Variants in DZANK1 observed in about 807,000 individuals in gnomAD.
DZANK1 encodes double zinc ribbon and ankyrin repeat-containing protein 1.
In DZANK1, 91 loss-of-function variants were observed where a neutral mutation model predicts 94.5. The observed-to-expected ratio is 0.96, with a 90% confidence interval of 0.81 to 1.15. The LOEUF (loss-of-function observed/expected upper bound fraction) is 1.15, where lower values mean the gene tolerates loss of function less well. Ranked by LOEUF, DZANK1 falls within the 50% of genes most tolerant of loss-of-function variation. The pLI is 0.00. For synonymous variants in DZANK1, 312 were observed against 325.3 expected, an observed-to-expected ratio of 0.96 and a Z score of 0.44; for missense variants, 903 against 916.4, an observed-to-expected ratio of 0.99 and a Z score of 0.19.
chr20:18,429,536 T>G (rs1202049744), intron 9 of DZANK1, among the ~76,000 whole-genome samples: 1 of 152,342 alleles, frequency 6.6e-6, no homozygotes, highest in South Asian at 2.1e-4. Context: ...CCCCACACTA[T>G]GGACATCCCA....
At chr20:18,440,010 T>C (rs944160548) in intron 8 of DZANK1, among the ~76,000 whole-genome samples, 1 of 152,118 alleles carries the variant, frequency 6.6e-6, no homozygotes, top group African/African-American at 2.4e-5. Context: ...TGATCCAATA[T>C]GACTGATGTC....
At chr20:18,442,798 G>A (rs558045041) in intron 8 of DZANK1, among the ~76,000 whole-genome samples, 12 of 151,970 alleles carry the variant, frequency 7.9e-5, no homozygotes, top group Non-Finnish European at 1.3e-4. Flanking sequence ...CTTAAAAGAT[G>A]AACACATTTT....
chr20:18,443,562 A>G (rs1310751436), intron 7 of DZANK1, 98 bp from the exon 8 acceptor site: 2 of 659,268 alleles, frequency 3.0e-6, no homozygotes, highest in African/African-American at 3.8e-5. Flanking sequence ...TTAAACACAA[A>G]ACAAAAGCAG....
exon 21 of DZANK1, chr20:18,384,064 CTT>C (rs1289237955): frequency 2.8e-4 from 47 of 168,162 alleles, no homozygotes; most frequent in South Asian, 4.4e-4. Context: ...TGCACATATT[CTT>C]TTTTTTTTTT....
chr20:18,414,471 C>T (rs775504956), exon 12 of DZANK1: 38 of 1,612,956 alleles, frequency 2.4e-5, no homozygotes, highest in Non-Finnish European at 3.1e-5. Context: ...GATTGCTGGC[C>T]CCACATTTAG....
At chr20:18,409,962 G>T (rs902079026) in intron 13 of DZANK1, among the ~76,000 whole-genome samples, 1 of 151,056 alleles carries the variant, frequency 6.6e-6, no homozygotes, top group African/African-American at 2.4e-5. Context: ...GAACCCAGGA[G>T]GCGGAGGTTG....
exon 12 of DZANK1, chr20:18,414,475 C>T (rs1292686393): frequency 6.2e-7 from 1 of 1,612,858 alleles, no homozygotes. Context: ...GCTGGCCCCA[C>T]ATTTAGGGCA....
chr20:18,412,948 G>A (rs6136368), intron 12 of DZANK1, 95 bp from the exon 13 acceptor site: 141,762 of 1,169,544 alleles, frequency 0.12, 12,478 homozygotes, highest in East Asian at 0.52. Flanking sequence ...AGAATAAAAA[G>A]TATCTCAAGA....
intron 9 of DZANK1, 97 bp from the exon 10 acceptor site, chr20:18,427,256 G>T: frequency 1.2e-6 from 1 of 840,214 alleles, no homozygotes; most frequent in Non-Finnish European, 1.9e-6. Flanking sequence ...TCAGCTACAG[G>T]CCCTATTACT....
At chr20:18,396,920 C>T (rs2056376847) in intron 14 of DZANK1, among the ~76,000 whole-genome samples, 1 of 152,174 alleles carries the variant, frequency 6.6e-6, no homozygotes, top group Admixed American at 6.5e-5. Context: ...GGGGCGGGGA[C>T]AGGGCTTGGT....
chr20:18,388,760 A>G (rs776244355), intron 19 of DZANK1, among the ~76,000 whole-genome samples: 6 of 152,248 alleles, frequency 3.9e-5, no homozygotes, highest in Non-Finnish European at 8.8e-5. Flanking sequence ...AAAGGGGGGT[A>G]GAAGCTATTA....
intron 13 of DZANK1, among the ~76,000 whole-genome samples, chr20:18,410,201 T>C (rs1003544616): frequency 1.3e-5 from 2 of 152,114 alleles, no homozygotes; most frequent in South Asian, 4.1e-4. Context: ...ATGTTATAAC[T>C]AATAATTGTA....
chr20:18,424,223 GT>G, intron 10 of DZANK1, among the ~76,000 whole-genome samples: 1 of 152,316 alleles, frequency 6.6e-6, no homozygotes, highest in Non-Finnish European at 1.5e-5. Context: ...GCCAAGGCGG[GT>G]GGATCACCTG....
At chr20:18,432,633 G>A (rs1387738909) in intron 9 of DZANK1, 1 of 152,142 alleles carries the variant, frequency 6.6e-6, no homozygotes, top group Non-Finnish European at 1.5e-5. Flanking sequence ...AATACATTTT[G>A]CCCATATACA....
chr20:18,429,777 T>C (rs1375851683), intron 9 of DZANK1, among the ~76,000 whole-genome samples: 1 of 152,256 alleles, frequency 6.6e-6, no homozygotes, highest in Non-Finnish European at 1.5e-5. Context: ...TTTTTATTTG[T>C]GGAGACTTTT....
chr20:18,455,119 T>C (rs1364563748), intron 4 of DZANK1, 128 bp downstream of exon 4: 13 of 655,798 alleles, frequency 2.0e-5, no homozygotes, highest in Middle Eastern at 5.0e-4. Flanking sequence ...CAATGGTTGA[T>C]AATGACTTCA....
intron 6 of DZANK1, among the ~76,000 whole-genome samples, chr20:18,450,149 A>C (rs1228401668): frequency 6.6e-6 from 1 of 152,178 alleles, no homozygotes; most frequent in Non-Finnish European, 1.5e-5. Context: ...TATTTTTCTC[A>C]AAAACTGTAT....
At chr20:18,442,490 A>T (rs2058744593) in intron 8 of DZANK1, among the ~76,000 whole-genome samples, 1 of 152,184 alleles carries the variant, frequency 6.6e-6, no homozygotes, top group Non-Finnish European at 1.5e-5. Flanking sequence ...CTGCCATTAT[A>T]TATTAGCAAA....
intron 17 of DZANK1, 98 bp from the exon 18 acceptor site, chr20:18,390,557 G>C: frequency 8.6e-7 from 1 of 1,157,130 alleles, no homozygotes. Flanking sequence ...CACAAGGACA[G>C]GTGACTATGA....
Sources: allele counts gnomAD v4.1 joint callset (sites outside exome capture counted in the v4.1 genomes callset), GRCh38; gene constraint gnomAD v4.1.1; transcripts MANE v1.5; gene names NCBI Gene and HGNC (gene_info 2026-07-23, HGNC 2026-07-21).